The following PDSS2 variants were observed in gnomAD, a reference collection of about 807,000 sequenced individuals.
PDSS2 encodes the protein all trans-polyprenyl-diphosphate synthase PDSS2.
A neutral mutation model predicts 44.5 loss-of-function variants in PDSS2; 31 were observed. That is an observed-to-expected ratio of 0.70 (90% CI 0.52 to 0.94). PDSS2 has a LOEUF of 0.94. Ranked by LOEUF, PDSS2 falls within the 40% of genes least tolerant of loss-of-function variation. The pLI, the probability that PDSS2 is intolerant of heterozygous loss-of-function variation, is 0.00. For synonymous variants in PDSS2, 157 were observed against 180.3 expected, an observed-to-expected ratio of 0.87 and a Z score of 1.03; for missense variants, 452 against 482.2, an observed-to-expected ratio of 0.94 and a Z score of 0.59.
At chr6:107,173,597 A>AAAAC (rs1771684674) in intron 7 of PDSS2, among the ~76,000 whole-genome samples, 4 of 148,680 alleles carry the variant, frequency 2.7e-5, no homozygotes, top group African/African-American at 5.0e-5. Context: ...AAAAAAAAAA[A>AAAAC]CGCTTAGAAC....
At chr6:107,315,796 AG>A (rs1254910724) in intron 2 of PDSS2, among the ~76,000 whole-genome samples, 1 of 152,198 alleles carries the variant, frequency 6.6e-6, no homozygotes. Flanking sequence ...AGGATTACCC[AG>A]GGAAGTAACA....
chr6:107,390,218 G>A (rs1436744766), intron 1 of PDSS2, among the ~76,000 whole-genome samples: 1 of 152,100 alleles, frequency 6.6e-6, no homozygotes, highest in East Asian at 1.9e-4. Context: ...GAGGTATGGG[G>A]ATAACATTAC....
chr6:107,357,904 G>A (rs1778640963), intron 1 of PDSS2, among the ~76,000 whole-genome samples: 1 of 152,158 alleles, frequency 6.6e-6, no homozygotes, highest in Admixed American at 6.5e-5. Flanking sequence ...AAGGCACAAT[G>A]AGGCTAAGTA....
At chr6:107,333,534 T>C (rs1419082847) in intron 2 of PDSS2, among the ~76,000 whole-genome samples, 1 of 152,104 alleles carries the variant, frequency 6.6e-6, no homozygotes, top group African/African-American at 2.4e-5. Flanking sequence ...TGAGGTATTA[T>C]TTTATCTTAT....
chr6:107,334,272 G>A lies in PDSS2; in HGVS notation c.357C>T (p.Ile119=), dbSNP rs746405005. The A allele has an allele frequency of 4.3e-6, 7 of 1,613,102 alleles. No individual in the cohort carries two copies. The African/African-American group carries it at 5.3e-5, about 12-fold the overall frequency. The change falls in exon 2 of 8, where the codon ATC becomes ATT. Residue 119 remains isoleucine (I), a synonymous_variant. Transcript: ENST00000369037. ...LQLRGLVVLL[I]SKAAGPSSVN... ...CGCTGCTGGGCCCAGCTGCTTTAGA[G>A]ATAAGGAGCACCACCAAGCCCCTCA...
At chr6:107,200,979 T>C (rs11756647) in intron 6 of PDSS2, among the ~76,000 whole-genome samples, 44,116 of 151,962 alleles carry the variant, frequency 0.29, 6,598 homozygotes, top group East Asian at 0.5. Context: ...CAAGATATTA[T>C]TAAAATAACT....
intron 1 of PDSS2, among the ~76,000 whole-genome samples, chr6:107,387,723 GA>G (rs1370665448): frequency 1.3e-5 from 2 of 152,192 alleles, no homozygotes; most frequent in Non-Finnish European, 2.9e-5. Context: ...CAGCCCTACT[GA>G]CCATCCCTAG....
In PDSS2 at chr6:107,418,476, C is replaced by T. The variant is rs78895290; in HGVS notation, c.296+40514G>A. Reference sequence around the variant, plus strand: ...AACACAAGTTAATAAACTTGTAATACAGTTGTGTTGTTTGGTTGGGTGTGG... The same window carrying T: ...AACACAAGTTAATAAACTTGTAATATAGTTGTGTTGTTTGGTTGGGTGTGG... On this transcript the variant is annotated intron_variant, in intron 1 of 7. Transcript: ENST00000369037. Among the ~76,000 whole-genome samples the T allele has an allele frequency of 9.0e-3, 1,364 of 152,148 alleles. 47 individuals are homozygous for T. In the East Asian group the frequency reaches 0.12, roughly 13 times the overall value.
chr6:107,388,491 C>T (rs1293548700), intron 1 of PDSS2, among the ~76,000 whole-genome samples: 4 of 151,246 alleles, frequency 2.6e-5, no homozygotes, highest in South Asian at 2.1e-4. Flanking sequence ...CTCTGTCGCC[C>T]AGGCTGGAGT....
chr6:107,243,665 A>T (rs1048262164), intron 4 of PDSS2, among the ~76,000 whole-genome samples: 4 of 152,232 alleles, frequency 2.6e-5, no homozygotes, highest in Non-Finnish European at 4.4e-5. Flanking sequence ...AGATGCTATC[A>T]AATCAGGTTT....
chr6:107,249,915 T>C (rs923218181), intron 3 of PDSS2, among the ~76,000 whole-genome samples: 9 of 152,208 alleles, frequency 5.9e-5, no homozygotes, highest in African/African-American at 1.4e-4. Context: ...AAATTATAGA[T>C]CTGACATAAT....
chr6:107,304,637 G>C (rs1011657989), intron 2 of PDSS2, among the ~76,000 whole-genome samples: 3 of 152,084 alleles, frequency 2.0e-5, no homozygotes, highest in Non-Finnish European at 4.4e-5. Context: ...GTGTCATGGG[G>C]GTTAAATTAC....
chr6:107,361,096 CTTCA>C (rs1778759519), intron 1 of PDSS2, among the ~76,000 whole-genome samples: 1 of 151,964 alleles, frequency 6.6e-6, no homozygotes, highest in African/African-American at 2.4e-5. Flanking sequence ...TTTGGAAAAC[CTTCA>C]TTGTGAAAAA....
At chr6:107,286,142 A>G (rs75806463) in intron 2 of PDSS2, among the ~76,000 whole-genome samples, 28,202 of 149,204 alleles carry the variant, frequency 0.19, 3,450 homozygotes, top group Admixed American at 0.26. Context: ...AAAATAAAAA[A>G]AAAAAAAAGG....
chr6:107,284,337 A>T (rs1776067926), intron 2 of PDSS2, among the ~76,000 whole-genome samples: 1 of 152,122 alleles, frequency 6.6e-6, no homozygotes. Context: ...TTGCATCAAG[A>T]ACATCTGTGG....
Position 107,293,502 on chromosome 6 carries a change from G to A in PDSS2, c.432-19275C>T, listed in dbSNP as rs140300166. Among the ~76,000 whole-genome samples, 420 of 152,238 alleles carry A rather than the reference G, an allele frequency of 2.8e-3. 2 individuals are homozygous for A. Among genetic ancestry groups the A allele is most frequent in the African/African-American group, 9.0e-3 (375 of 41,548 alleles). Reference sequence around the variant, plus strand: ...TCCCATAGTGCTCATGCTTTCTGCCGCGGTACGGGAGTTCAGTTCTCTGCT... The same window carrying A: ...TCCCATAGTGCTCATGCTTTCTGCCACGGTACGGGAGTTCAGTTCTCTGCT... On this transcript the variant is annotated intron_variant, in intron 2 of 7. Coordinates refer to ENST00000369037, the MANE Select transcript of PDSS2 (RefSeq NM_020381.4).
At chr6:107,386,382 A>AG (rs1262322542) in intron 1 of PDSS2, among the ~76,000 whole-genome samples, 1 of 151,536 alleles carries the variant, frequency 6.6e-6, no homozygotes, top group Non-Finnish European at 1.5e-5. Context: ...CATTTTCTAA[A>AG]AAAAAAAAAA....
intron 1 of PDSS2, among the ~76,000 whole-genome samples, chr6:107,446,309 C>T (rs919276659): frequency 6.6e-5 from 10 of 150,576 alleles, no homozygotes; most frequent in Middle Eastern, 3.4e-3. Flanking sequence ...AGCAAGACTC[C>T]ATCTAAAAAA....
chr6:107,411,035 C>T (rs1036977166), intron 1 of PDSS2, among the ~76,000 whole-genome samples: 1 of 152,020 alleles, frequency 6.6e-6, no homozygotes, highest in Admixed American at 6.6e-5. Context: ...CAGGCACGTG[C>T]TACCATGCCT....
Sources: allele counts gnomAD v4.1 joint callset (sites outside exome capture counted in the v4.1 genomes callset), GRCh38; gene constraint gnomAD v4.1.1; transcripts MANE v1.5; gene names NCBI Gene and HGNC (gene_info 2026-07-23, HGNC 2026-07-21).